Variants in PKP4 observed in about 807,000 individuals in gnomAD.
PKP4 encodes the protein plakophilin-4.
In PKP4, 90 loss-of-function variants were observed where a neutral mutation model predicts 145.1. That is an observed-to-expected ratio of 0.62 (90% CI 0.52 to 0.74). The LOEUF is 0.74. PKP4 is among the 30% of genes least tolerant of loss of function. The pLI is 0.00. For synonymous variants in PKP4, 563 were observed against 577.2 expected, an observed-to-expected ratio of 0.98 and a Z score of 0.35; for missense variants, 1,340 against 1,482.7, an observed-to-expected ratio of 0.90 and a Z score of 1.58.
At chr2:158,528,877 C>A (rs1018270576) in intron 1 of PKP4, among the ~76,000 whole-genome samples, 13 of 152,120 alleles carry the variant, frequency 8.5e-5, no homozygotes, top group African/African-American at 3.1e-4. Flanking sequence ...CAGGTCCTGG[C>A]TTTCAGGTGG....
At chr2:158,660,237 C>T (rs2056427358) in intron 12 of PKP4, 1 of 152,642 alleles carries the variant, frequency 6.6e-6, no homozygotes, top group Non-Finnish European at 1.5e-5. Context: ...GTGCCAGTGT[C>T]AAGAAAGCAT....
chr2:158,562,876 T>G (rs946910548), intron 2 of PKP4, among the ~76,000 whole-genome samples: 2 of 152,192 alleles, frequency 1.3e-5, no homozygotes, highest in African/African-American at 2.4e-5. Context: ...CATATTTATA[T>G]AAAATTTTTA....
chr2:158,608,744 A>G (rs2050856391), intron 4 of PKP4, among the ~76,000 whole-genome samples: 1 of 151,486 alleles, frequency 6.6e-6, no homozygotes, highest in Admixed American at 6.6e-5. Context: ...AATAAGCTAT[A>G]GTTAGAAGAG....
At chr2:158,645,585 G>A (rs1030373428) in intron 11 of PKP4, among the ~76,000 whole-genome samples, 11 of 152,214 alleles carry the variant, frequency 7.2e-5, no homozygotes, top group Non-Finnish European at 1.2e-4. Context: ...GCTACTCCCT[G>A]AGAGAGCAGT....
rs536973429 is a variant in PKP4 at position 158,634,885 on chromosome 2, T to C, written c.1562+596T>C. On this transcript the variant is annotated intron_variant, in intron 9 of 21. Coordinates refer to ENST00000389759, the MANE Select transcript of PKP4 (RefSeq NM_003628.6). ...CTCCTTCTGATTTTATTTGGCCCTG[T>C]AGACAGCATTTTTATTAAGATAATA... Among the ~76,000 whole-genome samples the C allele has an allele frequency of 7.0e-5, 6 of 86,100 alleles. No homozygotes were observed. In the South Asian group the frequency reaches 3.0e-3, roughly 43 times the overall value. 56.5% of individuals were successfully genotyped at this position (86,100 alleles called of 152,430 possible). A position where few individuals can be genotyped will look rare whatever the true frequency, so the allele number is the denominator to read the frequency against.
rs533930501 is a variant in PKP4 at position 158,478,585 on chromosome 2, T to C, written c.-6+21367T>C. Among the ~76,000 whole-genome samples, 4 of 152,364 alleles carry C rather than the reference T, an allele frequency of 2.6e-5. No individual in the cohort carries two copies. In the South Asian group the frequency reaches 8.3e-4, roughly 32 times the overall value. On this transcript the variant is annotated intron_variant, in intron 1 of 21. Transcript: ENST00000389759. The stretch of plus-strand genomic sequence containing the variant: ...TAAATATTTGGATAGATCGCCTAAG[T>C]TATCAGTGATGGCTTAAACCTTAAT...
At chr2:158,552,993 G>C (rs1559313892) in intron 2 of PKP4, among the ~76,000 whole-genome samples, 1 of 152,118 alleles carries the variant, frequency 6.6e-6, no homozygotes, top group Non-Finnish European at 1.5e-5. Flanking sequence ...AGTGAAACAA[G>C]ATATGCCAAT....
chr2:158,523,634 ATGACTT>A (rs1218598479), intron 1 of PKP4, among the ~76,000 whole-genome samples: 3 of 131,992 alleles, frequency 2.3e-5, no homozygotes, highest in Non-Finnish European at 4.7e-5. Context: ...TGGATGGAGA[ATGACTT>A]TGACGAGCTG....
chr2:158,515,086 A>G (rs1348611674), intron 1 of PKP4, among the ~76,000 whole-genome samples: 1 of 152,226 alleles, frequency 6.6e-6, no homozygotes, highest in Non-Finnish European at 1.5e-5. Context: ...TCAGTAAAGT[A>G]ACTTATAAAT....
At chr2:158,498,156 AT>A (rs1486446427) in intron 1 of PKP4, among the ~76,000 whole-genome samples, 16 of 151,894 alleles carry the variant, frequency 1.1e-4, no homozygotes. Context: ...ATTTTTTGTT[AT>A]TTTTATTTTT....
intron 3 of PKP4, among the ~76,000 whole-genome samples, chr2:158,577,650 A>G (rs923187681): frequency 1.1e-4 from 17 of 152,212 alleles, no homozygotes; most frequent in African/African-American, 3.6e-4. Flanking sequence ...CACACAGTTA[A>G]TGGGTGTTGT....
Position 158,663,034 on chromosome 2 carries a change from A to C in PKP4, c.2349A>C (p.Pro783=). 6.2e-7 allele frequency: 1 copy of C among 1,613,854 alleles called. No homozygotes were observed. Among genetic ancestry groups the C allele is most frequent in the Non-Finnish European group, 8.5e-7 (1 of 1,179,934 alleles). Residue 783 remains proline, a synonymous_variant, in exon 14 of 22, where the codon CCA becomes CCC. Coordinates refer to ENST00000389759, the MANE Select transcript of PKP4 (RefSeq NM_003628.6). ...AGTCTCCCAGCAAAGACTCTGAGCC[A>C]AGTTGCTGGGGGAAGAAGAAGAAAA... ...GKESPSKDSE[P]SCWGKKKKKK... is the part of the protein sequence containing the mutation.
At chr2:158,579,848 T>G (rs1025531879) in intron 3 of PKP4, among the ~76,000 whole-genome samples, 1 of 151,954 alleles carries the variant, frequency 6.6e-6, no homozygotes, top group Admixed American at 6.5e-5. Flanking sequence ...ATTTAAAATA[T>G]ATATATATAG....
At chr2:158,670,766 A>G (rs948890838) in intron 17 of PKP4, among the ~76,000 whole-genome samples, 2 of 152,232 alleles carry the variant, frequency 1.3e-5, no homozygotes, top group African/African-American at 4.8e-5. Flanking sequence ...GATGTGCCCC[A>G]GGCTTGGATG....
At chr2:158,589,485 C>T (rs188174276) in intron 3 of PKP4, among the ~76,000 whole-genome samples, 19 of 152,286 alleles carry the variant, frequency 1.2e-4, no homozygotes, top group Non-Finnish European at 2.1e-4. Context: ...TGAGAGTCCT[C>T]GTCTCCAGCC....
chr2:158,477,992 C>T (rs1692758807), intron 1 of PKP4, among the ~76,000 whole-genome samples: 1 of 151,950 alleles, frequency 6.6e-6, no homozygotes, highest in African/African-American at 2.4e-5. Flanking sequence ...AGGTTTATTC[C>T]CTCAGTTCTT....
Position 158,631,800 on chromosome 2 carries a change from C to T in PKP4, c.1201C>T (p.Leu401Phe). The T allele has an allele frequency of 6.2e-7, 1 of 1,614,130 alleles. No individual in the cohort carries two copies. The highest frequency in any genetic ancestry group is 8.5e-7 in the Non-Finnish European group (1 of 1,179,992). ...TCAGCATAGTCAGCTTGGGCAAGAC[C>T]TTCGTTCTGCCGTGTCTCCCGACTT... ...ASQHSQLGQD[L>F]RSAVSPDLHI... is the part of the protein sequence containing the mutation. The change falls in exon 8 of 22, where the codon CTT becomes TTT. Residue 401 changes from leucine (L) to phenylalanine (F), a missense_variant. Physicochemically the swap from Leu to Phe is conservative, Grantham distance 22. Coordinates refer to ENST00000389759, the MANE Select transcript of PKP4 (RefSeq NM_003628.6).
chr2:158,673,991 A>C lies in PKP4; in HGVS notation c.3118A>C (p.Ile1040Leu). The C allele has an allele frequency of 1.3e-6, 2 of 1,577,184 alleles. No homozygotes were observed. The highest frequency in any genetic ancestry group is 1.7e-6 in the Non-Finnish European group (2 of 1,146,198). ...STTNQQMSPI[I>L]QSVGSTSSSP... ...CACCAACCAACAGATGTCACCCATCATTCAGTCAGGTCAGTGGGAAAATGC... is the reference window on the plus strand; with the variant it reads ...CACCAACCAACAGATGTCACCCATCCTTCAGTCAGGTCAGTGGGAAAATGC... Residue 1040 changes from isoleucine (I) to leucine (L), a missense_variant, in exon 19 of 22, where the codon ATT (isoleucine) becomes CTT (leucine). By Grantham distance (5) the Ile-to-Leu change is conservative (BLOSUM62 2). Coordinates refer to ENST00000389759, the MANE Select transcript of PKP4 (RefSeq NM_003628.6).
At chr2:158,587,156 C>T (rs2048871121) in intron 3 of PKP4, among the ~76,000 whole-genome samples, 1 of 152,064 alleles carries the variant, frequency 6.6e-6, no homozygotes, top group Non-Finnish European at 1.5e-5. Flanking sequence ...ATAAATGTTT[C>T]AGATTATTTT....
Sources: allele counts gnomAD v4.1 joint callset (sites outside exome capture counted in the v4.1 genomes callset), GRCh38; gene constraint gnomAD v4.1.1; transcripts MANE v1.5; gene names NCBI Gene and HGNC (gene_info 2026-07-23, HGNC 2026-07-21).